The following RPS6KA3 variants were observed in gnomAD, a reference collection of about 807,000 sequenced individuals.
The protein encoded by RPS6KA3 is ribosomal protein S6 kinase A3.
In RPS6KA3, 4 loss-of-function variants were observed where a neutral mutation model predicts 67.2. The ratio of observed to expected loss-of-function variants is 0.06; its 90% CI spans 0.03 to 0.14. The LOEUF (loss-of-function observed/expected upper bound fraction) is 0.14. RPS6KA3 is among the 10% of genes least tolerant of loss of function. The pLI is 1.00. For synonymous variants in RPS6KA3, 182 were observed against 183.7 expected, an observed-to-expected ratio of 0.99 and a Z score of 0.07; for missense variants, 204 against 559.0, an observed-to-expected ratio of 0.36 and a Z score of 6.40.
rs188997407 is a variant in RPS6KA3, at chrX:20,164,013, C to T, written c.1764+886G>A. Reference sequence around the variant, plus strand: ...ATAAAAATAAAAAATAAGCCAGGCACGGTGGTGTTCTCCTGTAGTCCCAGC... The same window carrying T: ...ATAAAAATAAAAAATAAGCCAGGCATGGTGGTGTTCTCCTGTAGTCCCAGC... On this transcript the variant is annotated intron_variant, in intron 18 of 21. Coordinates refer to ENST00000379565, the MANE Select transcript of RPS6KA3 (RefSeq NM_004586.3). 1.6e-4 allele frequency among the ~76,000 whole-genome samples: 18 copies of T among 110,948 alleles called. No individual in the cohort carries two copies. In the East Asian group the frequency reaches 3.4e-3, roughly 21 times the overall value.
intron 13 of RPS6KA3, among the ~76,000 whole-genome samples, chrX:20,175,919 G>T (rs753918034): frequency 9.0e-6 from 1 of 111,117 alleles, no homozygotes; most frequent in Non-Finnish European, 1.9e-5. Context: ...CACCCAGGCT[G>T]GAGTGCAGTG....
intron 1 of RPS6KA3, among the ~76,000 whole-genome samples, chrX:20,254,854 C>A (rs1432885122): frequency 9.0e-6 from 1 of 111,656 alleles, no homozygotes; most frequent in Non-Finnish European, 1.9e-5. Context: ...GGCAAGGATA[C>A]GGAAAAGCTG....
intron 2 of RPS6KA3, among the ~76,000 whole-genome samples, chrX:20,214,497 G>A (rs2068795817): frequency 8.9e-6 from 1 of 111,948 alleles, no homozygotes; most frequent in African/African-American, 3.3e-5. Flanking sequence ...TGATGAGATG[G>A]GTGATGCTAG....
At chrX:20,198,056 C>G (rs2068320586) in intron 4 of RPS6KA3, among the ~76,000 whole-genome samples, 1 of 112,185 alleles carries the variant, frequency 8.9e-6, no homozygotes, top group Non-Finnish European at 1.9e-5. Context: ...TCCCCATTAA[C>G]TTTATCTAAT....
At chrX:20,200,680 A>G (rs2068405286) in intron 4 of RPS6KA3, among the ~76,000 whole-genome samples, 1 of 110,680 alleles carries the variant, frequency 9.0e-6, no homozygotes. Context: ...ACGTTTCTCT[A>G]TTTTTCCTTA....
chrX:20,195,196 T>C, intron 4 of RPS6KA3, 51 bp from the exon 5 acceptor site: 1 of 850,335 alleles, frequency 1.2e-6, no homozygotes, highest in African/African-American at 2.0e-5. Flanking sequence ...AAAGATAATC[T>C]TCAAAACAAA....
chrX:20,155,427 T>C lies in RPS6KA3; in HGVS notation c.2194A>G (p.Ile732Val), dbSNP rs1315964979. 2 of 1,208,354 alleles carry C rather than the reference T, an allele frequency of 1.7e-6. No individual in the cohort carries two copies. The highest frequency in any genetic ancestry group is 1.8e-5 in the African/African-American group (1 of 56,798). ...AGGGCTGTTGAGGTGATTTTTTTAA[T>C]ACCTCTCCGCTGAGCAAGAGTAGAG... ...GRSTLAQRRG[I>V]KKITSTAL Residue 732 changes from isoleucine (I) to valine (V), a missense_variant, in exon 22 of 22, where the codon ATT (isoleucine) becomes GTT (valine). Ile to Val is a conservative substitution (Grantham distance 29, BLOSUM62 3). Transcript: ENST00000379565.
Position 20,194,195 on chromosome X carries a change from G to A in RPS6KA3, c.480C>T (p.Ser160=). ...ATAGAGATTAATTATATACCTCTTT[G>A]GATAAGCGTGTAAACAAATCTCCTC... ...LRGGDLFTRL[S]KEVMFTEEDV... Residue 160 remains serine, a synonymous_variant, in exon 6 of 22, where the codon TCC becomes TCT. Coordinates refer to ENST00000379565, the MANE Select transcript of RPS6KA3 (RefSeq NM_004586.3). The A allele has an allele frequency of 8.8e-7, 1 of 1,141,076 alleles. No homozygotes were observed. Among genetic ancestry groups the A allele is most frequent in the Non-Finnish European group, 1.2e-6 (1 of 831,834 alleles). 94.0% of individuals were successfully genotyped at this position (1,141,076 alleles called of 1,213,427 possible).
chrX:20,216,154 C>G (rs1236249431), intron 2 of RPS6KA3, among the ~76,000 whole-genome samples: 1 of 111,790 alleles, frequency 8.9e-6, no homozygotes, highest in Admixed American at 9.5e-5. Flanking sequence ...CATTTAAAAA[C>G]AGTAATAATA....
chrX:20,240,842 A>G (rs183954602), intron 1 of RPS6KA3, among the ~76,000 whole-genome samples: 6 of 111,121 alleles, frequency 5.4e-5, no homozygotes, highest in Non-Finnish European at 1.1e-4. Flanking sequence ...ATACAAAACT[A>G]TATAGTATGA....
At chrX:20,265,173 C>T (rs1453612251) in intron 1 of RPS6KA3, among the ~76,000 whole-genome samples, 2 of 111,634 alleles carry the variant, frequency 1.8e-5, no homozygotes, top group African/African-American at 3.3e-5. Flanking sequence ...AAATACTAAG[C>T]ACCAATCATA....
chrX:20,162,742 G>C (rs769206676), intron 19 of RPS6KA3, among the ~76,000 whole-genome samples: 141 of 111,017 alleles, frequency 1.3e-3, no homozygotes, highest in African/African-American at 4.4e-3. Context: ...TCCTATTCAG[G>C]AGGCTGAGGT....
At position 20,169,383 on chromosome X, in the gene RPS6KA3, TA is replaced by T. The variant is rs745591812; in HGVS notation, c.1443+18del. 5.3e-6 allele frequency: 5 copies of T among 944,725 alleles called. No homozygotes were observed. The highest frequency in any genetic ancestry group is 2.2e-5 in the Admixed American group (1 of 45,480). The allele number at this position is 944,725 out of a possible 1,213,427, so 77.9% of individuals were successfully genotyped here. A position where few individuals can be genotyped will look rare whatever the true frequency, so the allele number is the denominator to read the frequency against. On this transcript the variant is annotated intron_variant, in intron 16 of 21. Transcript: ENST00000379565. ...TTAGACAACTGATTCAAATGATCCA[TA>T]TTAAAGAATCTACTTACATCCTTTA...
At chrX:20,204,175 C>T (rs2148722137) in intron 3 of RPS6KA3, 72 bp from the exon 4 acceptor site, 2 of 628,050 alleles carry the variant, frequency 3.2e-6, no homozygotes, top group East Asian at 3.5e-5. Context: ...TAAGACCCTG[C>T]TATAATACAG....
At chrX:20,251,366 T>C (rs2069859572) in intron 1 of RPS6KA3, among the ~76,000 whole-genome samples, 1 of 112,875 alleles carries the variant, frequency 8.9e-6, no homozygotes, top group South Asian at 3.6e-4. Context: ...GATCTCGAAC[T>C]CCTGGGCTCA....
At chrX:20,176,574 T>A (rs951637397) in intron 11 of RPS6KA3, 76 bp from the exon 12 acceptor site, 6 of 612,648 alleles carry the variant, frequency 9.8e-6, no homozygotes, top group Non-Finnish European at 1.6e-5. Context: ...TTTTCAATAC[T>A]TGTCTAATTA....
At chrX:20,158,512 G>A (rs1284790323) in intron 20 of RPS6KA3, among the ~76,000 whole-genome samples, 1 of 109,976 alleles carries the variant, frequency 9.1e-6, no homozygotes, top group Admixed American at 9.8e-5. Context: ...AGACATTTAT[G>A]GTTTCTTACT....
At chrX:20,171,931 C>A (rs2148657404) in intron 15 of RPS6KA3, among the ~76,000 whole-genome samples, 1 of 112,057 alleles carries the variant, frequency 8.9e-6, no homozygotes, top group East Asian at 2.8e-4. Context: ...TCCAATGAAG[C>A]AAATTAAATG....
In RPS6KA3 at chrX:20,266,705, C is replaced by T; in HGVS notation, c.-73G>A. The T allele has an allele frequency of 1.4e-6, 1 of 704,193 alleles. No homozygotes were observed. The highest frequency in any genetic ancestry group is 1.7e-6 in the Non-Finnish European group (1 of 577,853). 58.0% of individuals were successfully genotyped at this position (704,193 alleles called of 1,213,427 possible). A position where few individuals can be genotyped will look rare whatever the true frequency, so the allele number is the denominator to read the frequency against. On this transcript the variant is annotated 5_prime_UTR_variant, in exon 1 of 22. Coordinates refer to ENST00000379565, the MANE Select transcript of RPS6KA3 (RefSeq NM_004586.3). Reference sequence around the variant, plus strand: ...CCCCACGGCCGGCCCCGCTCCGTCGCCGCCCGAGCCCCACGGCAGCGGCGG... The same window carrying T: ...CCCCACGGCCGGCCCCGCTCCGTCGTCGCCCGAGCCCCACGGCAGCGGCGG...
Sources: gnomAD v4.1 joint callset for allele counts (sites outside exome capture counted in the v4.1 genomes callset) on GRCh38, gnomAD v4.1.1 for gene constraint, MANE v1.5 for transcripts, NCBI Gene and HGNC (gene_info 2026-07-23, HGNC 2026-07-21) for gene names.